The following SHBG variants were observed in gnomAD, a reference collection of about 807,000 sequenced individuals.
The protein encoded by SHBG is sex hormone binding globulin.
In SHBG, 37 loss-of-function variants were observed where a neutral mutation model predicts 41.9. The observed-to-expected ratio is 0.88, with a 90% CI of 0.68 to 1.16. The LOEUF (loss-of-function observed/expected upper bound fraction) is 1.16. SHBG is among the 50% of genes most tolerant of loss of function. The pLI is 0.00. For synonymous variants in SHBG, 217 were observed against 205.8 expected, an observed-to-expected ratio of 1.05 and a Z score of -0.47; for missense variants, 466 against 499.9, an observed-to-expected ratio of 0.93 and a Z score of 0.65.
At position 7,630,508 on chromosome 17, in the gene SHBG, G is replaced by T; in HGVS notation, c.203+1G>T. 1 of 1,613,614 alleles carries T rather than the reference G, an allele frequency of 6.2e-7. No individual in the cohort carries two copies. Among genetic ancestry groups the T allele is most frequent in the Non-Finnish European group, 8.5e-7 (1 of 1,179,540 alleles). ...CCTTTGACCTCACCAAGATCACAAA[G>T]TATGGGGTTGGCCTAGCCCTTGACC... On this transcript the variant is annotated splice_donor_variant, in intron 2 of 7. Coordinates refer to ENST00000380450, the MANE Select transcript of SHBG (RefSeq NM_001040.5). LOFTEE classifies it high-confidence loss of function. This position sits in a 1 kb window ranked among gnomAD's most constrained non-coding sequence, Gnocchi z 4.6.
intron 1 of SHBG, among the ~76,000 whole-genome samples, chr17:7,622,115 G>A (rs867468287): frequency 2.1e-4 from 32 of 151,688 alleles, no homozygotes; most frequent in Admixed American, 1.2e-3. Context: ...AAAGTGCTGG[G>A]ATTACAGGTG....
intron 1 of SHBG, chr17:7,614,617 CGGA>C (rs1428569915): frequency 3.1e-5 from 26 of 829,634 alleles, no homozygotes; most frequent in East Asian, 3.4e-5. Context: ...GGCGTCTCCC[CGGA>C]GGAGGAGCCG....
chr17:7,621,151 A>C (rs1299280556), intron 1 of SHBG, among the ~76,000 whole-genome samples: 1 of 137,508 alleles, frequency 7.3e-6, no homozygotes, highest in South Asian at 2.4e-4. Flanking sequence ...CAGTTAGCTC[A>C]GTTGGTTAGA....
upstream of SHBG, among the ~76,000 whole-genome samples, chr17:7,624,710 G>C (rs2150960126): frequency 6.6e-6 from 1 of 151,892 alleles, no homozygotes; most frequent in South Asian, 2.1e-4. Context: ...GGAGTCCAGT[G>C]GCATGATCTC....
chr17:7,614,196 G>A (rs1365729956), intron 1 of SHBG: 6 of 675,294 alleles, frequency 8.9e-6, no homozygotes, highest in Non-Finnish European at 1.6e-5. Context: ...CGCCAAGCCA[G>A]GGACAATAAT....
chr17:7,631,511 T>C, intron 4 of SHBG, 78 bp from the exon 5 acceptor site: 1 of 1,579,104 alleles, frequency 6.3e-7, no homozygotes, highest in Admixed American at 1.7e-5. Flanking sequence ...GGGAGTCAAC[T>C]GAGGGCAGGG....
chr17:7,626,348 G>T, upstream of SHBG: 1 of 1,357,112 alleles, frequency 7.4e-7, no homozygotes, highest in Non-Finnish European at 1.0e-6. Context: ...CTTCCTCCAG[G>T]GAGGCCTCAG....
intron 1 of SHBG, among the ~76,000 whole-genome samples, chr17:7,619,797 C>CT (rs1352267177): frequency 6.6e-6 from 1 of 151,972 alleles, no homozygotes; most frequent in Non-Finnish European, 1.5e-5. Context: ...AATAGTGCTT[C>CT]TCTTTTTTTA....
upstream of SHBG, chr17:7,627,113 G>A (rs372699274): frequency 5.3e-5 from 86 of 1,613,470 alleles, no homozygotes; most frequent in Non-Finnish European, 6.8e-5. The surrounding 1 kb of genome is among the most constrained non-coding windows in gnomAD (Gnocchi z 4.8). Context: ...CGGCTGGAGA[G>A]GTGGACTTCT....
upstream of SHBG, among the ~76,000 whole-genome samples, chr17:7,629,761 C>T (rs2072338225): frequency 6.6e-6 from 1 of 152,228 alleles, no homozygotes; most frequent in Non-Finnish European, 1.5e-5. Flanking sequence ...ATTCCATTAT[C>T]TCATTTCTAG....
chr17:7,619,781 T>G (rs1009015392), intron 1 of SHBG, among the ~76,000 whole-genome samples: 2 of 151,976 alleles, frequency 1.3e-5, no homozygotes, highest in Non-Finnish European at 2.9e-5. Context: ...ATAAGCAGAT[T>G]GGAAAAATAG....
chr17:7,615,978 C>T (rs1287868697), intron 1 of SHBG, among the ~76,000 whole-genome samples: 1 of 151,814 alleles, frequency 6.6e-6, no homozygotes. Flanking sequence ...ACACCAGCCT[C>T]AACAGGGCGA....
At chr17:7,619,666 ATGCCAT>A (rs1384746011) in intron 1 of SHBG, among the ~76,000 whole-genome samples, 1 of 149,226 alleles carries the variant, frequency 6.7e-6, no homozygotes, top group Non-Finnish European at 1.5e-5. Flanking sequence ...AGCCGAGATC[ATGCCAT>A]TGCACTCCAG....
chr17:7,628,742 G>A (rs1046967176), upstream of SHBG, among the ~76,000 whole-genome samples: 2 of 151,920 alleles, frequency 1.3e-5, no homozygotes, highest in Non-Finnish European at 2.9e-5. Flanking sequence ...CACCAAGCCC[G>A]GTCTGTCATT....
intron 1 of SHBG, among the ~76,000 whole-genome samples, chr17:7,620,423 C>A (rs1464540460): frequency 6.6e-6 from 1 of 151,976 alleles, no homozygotes; most frequent in Non-Finnish European, 1.5e-5. Context: ...TTCAAGAGAT[C>A]CTCCTGCCTG....
Position 7,630,439 on chromosome 17 carries a change from C to G in SHBG, c.135C>G (p.Val45=). 3 of 1,614,098 alleles carry G rather than the reference C, an allele frequency of 1.9e-6. No individual in the cohort carries two copies. The highest frequency in any genetic ancestry group is 2.5e-6 in the Non-Finnish European group (3 of 1,179,976). ...AGAGTGCCCACGACCCTCCGGCTGT[C>G]CACCTCAGCAATGGCCCAGGACAAG... ...PTQSAHDPPA[V]HLSNGPGQEP... is the part of the protein sequence containing the mutation. The change falls in exon 2 of 8, where the codon GTC becomes GTG. Residue 45 remains valine, a synonymous_variant. Transcript: ENST00000380450. This position sits in a 1 kb window ranked among gnomAD's most constrained non-coding sequence, Gnocchi z 4.6.
chr17:7,618,774 A>T (rs1464372575), intron 1 of SHBG, among the ~76,000 whole-genome samples: 1 of 152,228 alleles, frequency 6.6e-6, no homozygotes, highest in Non-Finnish European at 1.5e-5. Flanking sequence ...CACAAGAGAG[A>T]GGCAAAGGGG....
upstream of SHBG, chr17:7,628,073 C>A: frequency 2.1e-6 from 1 of 466,282 alleles, no homozygotes. Flanking sequence ...TCAAAGGCTC[C>A]CCCGCAGTGC....
Position 7,630,563 on chromosome 17 carries a change from A to G in SHBG, c.203+56A>G, listed in dbSNP as rs2072372010. 6.4e-6 allele frequency: 10 copies of G among 1,557,804 alleles called. No homozygotes were observed. The South Asian group carries it at 1.1e-4, about 17-fold the overall frequency. On this transcript the variant is annotated intron_variant, in intron 2 of 7. Coordinates refer to ENST00000380450, the MANE Select transcript of SHBG (RefSeq NM_001040.5). This position sits in a 1 kb window ranked among gnomAD's most constrained non-coding sequence, Gnocchi z 4.6. The stretch of plus-strand genomic sequence containing the variant: ...CCCCTGGTTCTGCCCTCTCTCCATC[A>G]GCTCTTCTCTTTTCCCTGTCTTCCT...
Sources: allele counts gnomAD v4.1 joint callset (sites outside exome capture counted in the v4.1 genomes callset), GRCh38; gene constraint gnomAD v4.1.1; non-coding constraint Gnocchi (gnomAD v3.1); transcripts MANE v1.5; gene names NCBI Gene and HGNC (gene_info 2026-07-23, HGNC 2026-07-21).